The following CCDC102B variants were observed in gnomAD, a reference collection of about 807,000 sequenced individuals.
The protein encoded by CCDC102B is coiled-coil domain containing 102B, also known as coiled-coil domain-containing protein 102B.
CCDC102B carries 75 observed loss-of-function variants against 57.4 expected under a neutral mutation model. The ratio of observed to expected loss-of-function variants is 1.31; its 90% CI spans 1.08 to 1.58. The LOEUF (loss-of-function observed/expected upper bound fraction) is 1.58, where lower values mean the gene tolerates loss of function less well. Ranked by LOEUF, CCDC102B falls within the 40% of genes most tolerant of loss-of-function variation. The probability of loss-of-function intolerance (pLI) is 0.00; values close to 1 mark genes in which losing one functional copy is unlikely to be tolerated. For synonymous variants in CCDC102B, 206 were observed against 201.9 expected, an observed-to-expected ratio of 1.02 and a Z score of -0.17; for missense variants, 636 against 582.6, an observed-to-expected ratio of 1.09 and a Z score of -0.94.
At chr18:68,835,463 C>G (rs1234669091) in intron 1 of CCDC102B, among the ~76,000 whole-genome samples, 1 of 152,152 alleles carries the variant, frequency 6.6e-6, no homozygotes, top group Non-Finnish European at 1.5e-5. Flanking sequence ...CTTAACTCTG[C>G]TTCTCTCACC....
chr18:68,769,807 G>T (rs933967300), intron 2 of CCDC102B, among the ~76,000 whole-genome samples: 1 of 152,184 alleles, frequency 6.6e-6, no homozygotes, highest in Admixed American at 6.5e-5. Flanking sequence ...GAGATAGAAT[G>T]GGAACAGATT....
At chr18:68,760,919 T>A (rs1199702643) in intron 2 of CCDC102B, among the ~76,000 whole-genome samples, 1 of 152,046 alleles carries the variant, frequency 6.6e-6, no homozygotes, top group Non-Finnish European at 1.5e-5. Context: ...AGTAAGAGCC[T>A]CTTAAGTTTA....
At chr18:68,752,676 T>A (rs920228961) in intron 2 of CCDC102B, among the ~76,000 whole-genome samples, 1 of 152,308 alleles carries the variant, frequency 6.6e-6, no homozygotes. Context: ...TTATAAGATT[T>A]ATTCAATGTG....
chr18:68,978,371 A>G (rs573869070), intron 6 of CCDC102B, among the ~76,000 whole-genome samples: 5 of 152,166 alleles, frequency 3.3e-5, no homozygotes, highest in Admixed American at 6.6e-5. Flanking sequence ...TTTAAACTGT[A>G]TTATACAAAT....
chr18:68,999,384 G>A (rs532636799), intron 6 of CCDC102B, among the ~76,000 whole-genome samples: 1 of 151,504 alleles, frequency 6.6e-6, no homozygotes, highest in Non-Finnish European at 1.5e-5. Flanking sequence ...ATCACTTGAG[G>A]CCAGGAGTTC....
chr18:68,837,025 A>T lies in CCDC102B; in HGVS notation c.262A>T (p.Met88Leu), dbSNP rs775382578. ...LEEVKARAAQ[M>L]EKTMRWWSDC... ...AGAAGTCAAGGCCAGAGCTGCTCAG[A>T]TGGAAAAGACCATGCGGTGGTGGTC... The change falls in exon 2 of 8, where the codon ATG becomes TTG. Residue 88 changes from methionine (M) to leucine (L), a missense_variant. Physicochemically the swap from Met to Leu is conservative, Grantham distance 15 (BLOSUM62 2). Coordinates refer to ENST00000360242, the MANE Select transcript of CCDC102B (RefSeq NM_024781.3). 2.5e-6 allele frequency: 4 copies of T among 1,614,086 alleles called. No homozygotes were observed. The African/African-American group carries it at 5.3e-5, about 22-fold the overall frequency.
At chr18:68,953,764 G>C (rs1374718461) in intron 6 of CCDC102B, among the ~76,000 whole-genome samples, 1 of 152,086 alleles carries the variant, frequency 6.6e-6, no homozygotes, top group Non-Finnish European at 1.5e-5. Flanking sequence ...ATTGTGTTTA[G>C]TCTGAGGAGA....
rs976164487 is a variant in CCDC102B, at chr18:68,750,211, A to G, written c.-67+33617A>G. 9.2e-5 allele frequency among the ~76,000 whole-genome samples: 14 copies of G among 152,250 alleles called. No individual in the cohort carries two copies. In the East Asian group the frequency reaches 2.7e-3, roughly 29 times the overall value. On this transcript the variant is annotated intron_variant, in intron 2 of 3. Transcript: ENST00000578970. ...CAAAAAATGTTCATCATCACTAGCC[A>G]TCAGAGAAATGCAAATCAAAACCAC...
At chr18:68,987,175 A>G (rs1435206905) in intron 6 of CCDC102B, among the ~76,000 whole-genome samples, 1 of 152,216 alleles carries the variant, frequency 6.6e-6, no homozygotes, top group Non-Finnish European at 1.5e-5. Context: ...AAACTATACT[A>G]TAAGGCTACA....
chr18:68,773,340 G>T (rs958777906), intron 2 of CCDC102B, among the ~76,000 whole-genome samples: 3 of 151,922 alleles, frequency 2.0e-5, no homozygotes, highest in Non-Finnish European at 4.4e-5. Flanking sequence ...AATTTAATAT[G>T]CTCTGAAATA....
Position 68,723,125 on chromosome 18 carries a change from C to T in CCDC102B, c.-67+6531C>T, listed in dbSNP as rs181946421. Among the ~76,000 whole-genome samples, 87 of 151,968 alleles carry T rather than the reference C, an allele frequency of 5.7e-4. No homozygotes were observed. In the Middle Eastern group the frequency reaches 0.01, roughly 18 times the overall value. ...GGGTGGCAGGACAGAGAATGGGTGC[C>T]CAGCAAGGTGGAAAGCCCCTTTTAA... On this transcript the variant is annotated intron_variant, in intron 2 of 3. Transcript: ENST00000578970.
intron 6 of CCDC102B, among the ~76,000 whole-genome samples, chr18:68,923,097 CA>C (rs2145115034): frequency 6.6e-6 from 1 of 151,526 alleles, no homozygotes; most frequent in East Asian, 1.9e-4. Flanking sequence ...CCTTCTACTC[CA>C]AAAAAGGACA....
chr18:69,057,100 T>C (rs1171174090), downstream of CCDC102B, among the ~76,000 whole-genome samples: 1 of 152,066 alleles, frequency 6.6e-6, no homozygotes, highest in African/African-American at 2.4e-5. Flanking sequence ...CCTGTGACTT[T>C]TACAGCTTTT....
chr18:68,972,069 T>A (rs544843887), intron 6 of CCDC102B, among the ~76,000 whole-genome samples: 159 of 152,226 alleles, frequency 1.0e-3, no homozygotes, highest in African/African-American at 3.7e-3. Context: ...AGAAAGTCAC[T>A]AGAAATATTA....
chr18:68,932,389 A>G (rs2041705345), intron 6 of CCDC102B, among the ~76,000 whole-genome samples: 1 of 151,914 alleles, frequency 6.6e-6, no homozygotes, highest in Non-Finnish European at 1.5e-5. Flanking sequence ...TTTCTAATGG[A>G]GAAGCAGTAC....
chr18:69,020,450 A>G lies in CCDC102B; in HGVS notation c.1434+9346A>G, dbSNP rs112489071. Among the ~76,000 whole-genome samples, 210 of 152,238 alleles carry G rather than the reference A, an allele frequency of 1.4e-3. 1 individual carries two copies. Among genetic ancestry groups the G allele is most frequent in the African/African-American group, 4.7e-3 (194 of 41,568 alleles). The stretch of plus-strand genomic sequence containing the variant: ...GTTAAAGTCGAATACAATGATATTA[A>G]AATCTGGCTGAACTATAGTATCATT... On this transcript the variant is annotated intron_variant, in intron 7 of 7. Transcript: ENST00000360242.
At chr18:69,030,802 A>G (rs1169927352) in intron 7 of CCDC102B, among the ~76,000 whole-genome samples, 3 of 152,116 alleles carry the variant, frequency 2.0e-5, no homozygotes, top group South Asian at 2.1e-4. Flanking sequence ...CTACAGGTGT[A>G]CACCACCACG....
chr18:69,004,974 A>G (rs956251528), intron 6 of CCDC102B, among the ~76,000 whole-genome samples: 2 of 152,218 alleles, frequency 1.3e-5, no homozygotes, highest in African/African-American at 4.8e-5. Context: ...ACCAAGTATA[A>G]TAAATGTTTA....
At chr18:69,045,511 A>G (rs2052539199) in intron 7 of CCDC102B, among the ~76,000 whole-genome samples, 1 of 152,288 alleles carries the variant, frequency 6.6e-6, no homozygotes, top group East Asian at 1.9e-4. Context: ...AATTAATTTT[A>G]CATTTTAAAA....
Sources: gnomAD v4.1 joint callset for allele counts (sites outside exome capture counted in the v4.1 genomes callset) on GRCh38, gnomAD v4.1.1 for gene constraint, MANE v1.5 for transcripts, NCBI Gene and HGNC (gene_info 2026-07-23, HGNC 2026-07-21) for gene names.